The following CCDC175 variants were observed in gnomAD, a reference collection of about 807,000 sequenced individuals.
The protein encoded by CCDC175 is coiled-coil domain-containing protein 175.
CCDC175 carries 100 observed loss-of-function variants against 114.6 expected under a neutral mutation model. The ratio of observed to expected loss-of-function variants is 0.87; its 90% CI spans 0.74 to 1.03. The LOEUF (loss-of-function observed/expected upper bound fraction) is 1.03, where lower values mean the gene tolerates loss of function less well. CCDC175 is among the 50% of genes least tolerant of loss of function. CCDC175 has a pLI of 0.00. For missense variants in CCDC175, 880 were observed against 917.8 expected, an observed-to-expected ratio of 0.96 and a Z score of 0.53; for synonymous variants, 306 against 308.7, an observed-to-expected ratio of 0.99 and a Z score of 0.09.
intron 13 of CCDC175, 64 bp downstream of exon 13, chr14:59,537,959 T>G: frequency 8.9e-7 from 1 of 1,129,348 alleles, no homozygotes; most frequent in African/African-American, 1.6e-5. Flanking sequence ...TAGCATGAAA[T>G]ATTATTCCCC....
At chr14:59,571,833 T>C (rs1896865601) in intron 3 of CCDC175, among the ~76,000 whole-genome samples, 1 of 152,096 alleles carries the variant, frequency 6.6e-6, no homozygotes, top group African/African-American at 2.4e-5. Flanking sequence ...CAAAAAAAAT[T>C]GAAAGCAGGC....
chr14:59,537,271 T>C (rs1160531764), intron 13 of CCDC175, among the ~76,000 whole-genome samples: 2 of 152,100 alleles, frequency 1.3e-5, no homozygotes, highest in African/African-American at 4.8e-5. Flanking sequence ...CTGCAGAGGG[T>C]TTCTGCAGGA....
At chr14:59,559,236 C>T (rs946683999) in intron 7 of CCDC175, among the ~76,000 whole-genome samples, 3 of 152,128 alleles carry the variant, frequency 2.0e-5, no homozygotes, top group African/African-American at 7.2e-5. Context: ...GTGCTGAAAA[C>T]CAGCTGAATG....
At chr14:59,514,361 C>T (rs568600740) in intron 17 of CCDC175, among the ~76,000 whole-genome samples, 2 of 152,220 alleles carry the variant, frequency 1.3e-5, no homozygotes, top group East Asian at 3.9e-4. Flanking sequence ...GACGATCAAA[C>T]TACTCAGAGC....
intron 18 of CCDC175, among the ~76,000 whole-genome samples, chr14:59,511,243 A>G (rs1765468321): frequency 6.6e-6 from 1 of 152,186 alleles, no homozygotes; most frequent in South Asian, 2.1e-4. Context: ...CATGTGAAAA[A>G]GACATTTTAA....
At chr14:59,540,008 T>TG (rs1894671775) in intron 11 of CCDC175, among the ~76,000 whole-genome samples, 1 of 151,944 alleles carries the variant, frequency 6.6e-6, no homozygotes, top group Non-Finnish European at 1.5e-5. Flanking sequence ...GAGGCAGAGG[T>TG]TGCAGTGTGC....
In CCDC175 at chr14:59,566,609, A is replaced by C. The variant is rs1896561653; in HGVS notation, c.492-1334T>G. ...GAGCCTCGGGGAAACAAAGCAAAAT[A>C]AGTGAAATCAAAAAACCTCACTAGG... On this transcript the variant is annotated intron_variant, in intron 4 of 19. Coordinates refer to ENST00000537690, the MANE Select transcript of CCDC175 (RefSeq NM_001164399.2). 7.2e-5 allele frequency among the ~76,000 whole-genome samples: 11 copies of C among 152,326 alleles called. 1 individual carries two copies. The South Asian group carries it at 2.3e-3, about 32-fold the overall frequency.
intron 5 of CCDC175, among the ~76,000 whole-genome samples, chr14:59,564,081 T>C (rs1896381410): frequency 6.6e-6 from 1 of 152,180 alleles, no homozygotes; most frequent in Non-Finnish European, 1.5e-5. Context: ...AATTATTGAA[T>C]ATTGAAATAG....
chr14:59,560,789 A>G (rs1896186560), intron 7 of CCDC175, among the ~76,000 whole-genome samples: 2 of 152,166 alleles, frequency 1.3e-5, no homozygotes, highest in Non-Finnish European at 2.9e-5. Flanking sequence ...GTTGTAGCCT[A>G]TGATATGTCC....
At chr14:59,520,614 GTGAA>G (rs139236224) in intron 17 of CCDC175, among the ~76,000 whole-genome samples, 5,245 of 152,210 alleles carry the variant, frequency 0.034, 151 homozygotes, top group Middle Eastern at 0.096. Context: ...CTTTCGACTG[GTGAA>G]TGAATAAATA....
chr14:59,527,639 GT>G (rs940323163), intron 14 of CCDC175, among the ~76,000 whole-genome samples: 1 of 152,012 alleles, frequency 6.6e-6, no homozygotes, highest in Non-Finnish European at 1.5e-5. Context: ...TATAATTTTT[GT>G]TTTTTCTTGG....
intron 17 of CCDC175, among the ~76,000 whole-genome samples, chr14:59,519,298 G>T (rs550663195): frequency 6.6e-6 from 1 of 151,834 alleles, no homozygotes; most frequent in Non-Finnish European, 1.5e-5. Flanking sequence ...CACATGTACC[G>T]TAAAACTTAA....
chr14:59,510,612 T>A (rs2139949929), intron 19 of CCDC175, 34 bp downstream of exon 19: 1 of 1,534,332 alleles, frequency 6.5e-7, no homozygotes, highest in East Asian at 2.4e-5. Flanking sequence ...TAGCAGGAAG[T>A]CCCATGTTAC....
intron 10 of CCDC175, among the ~76,000 whole-genome samples, chr14:59,541,872 C>T (rs1252510620): frequency 6.6e-6 from 1 of 152,182 alleles, no homozygotes; most frequent in Non-Finnish European, 1.5e-5. Flanking sequence ...CTGATTCAGT[C>T]CAAATCGATC....
Position 59,531,984 on chromosome 14 carries a change from G to GT in CCDC175, c.1624-75dup, listed in dbSNP as rs928220109. The GT allele has an allele frequency of 1.2e-5, 9 of 736,946 alleles. No homozygotes were observed. In the Admixed American group the frequency reaches 1.6e-4, roughly 13 times the overall value. 45.7% of individuals were successfully genotyped at this position (736,946 alleles called of 1,614,324 possible). On this transcript the variant is annotated intron_variant, in intron 13 of 19. Coordinates refer to ENST00000537690, the MANE Select transcript of CCDC175 (RefSeq NM_001164399.2). ...CACAACAATTTAAAGTAGAATATAA[G>GT]TTTTTTGAGGGAAAGAGTTTCATCT...
At chr14:59,510,561 A>T in intron 19 of CCDC175, 85 bp downstream of exon 19, 1 of 1,332,386 alleles carries the variant, frequency 7.5e-7, no homozygotes, top group Non-Finnish European at 1.0e-6. Flanking sequence ...CTTAGTTGAC[A>T]CGTTTTTTCT....
rs186928280 is a variant in CCDC175 at position 59,510,459 on chromosome 14, C to G, written c.2305+187G>C. ...CTAGAAAATTCTCTTAGGTGAAAGG[C>G]AGAATTGGATAACACTACAAGAGTA... On this transcript the variant is annotated intron_variant, in intron 19 of 19. Transcript: ENST00000537690. 6 of 551,710 alleles carry G rather than the reference C, an allele frequency of 1.1e-5. No individual in the cohort carries two copies. In the African/African-American group the frequency reaches 1.1e-4, roughly 10 times the overall value. The allele number at this position is 551,710 out of a possible 1,614,324, so 34.2% of individuals were successfully genotyped here. A position where few individuals can be genotyped will look rare whatever the true frequency, so the allele number is the denominator to read the frequency against.
rs192680635 is a variant in CCDC175 at position 59,533,668 on chromosome 14, C to T, written c.1624-1758G>A. 8.3e-4 allele frequency among the ~76,000 whole-genome samples: 125 copies of T among 151,438 alleles called. 1 individual carries two copies. Among genetic ancestry groups the T allele is most frequent in the South Asian group, 5.2e-3 (25 of 4,818 alleles). The stretch of plus-strand genomic sequence containing the variant: ...AGAAGCAGGAGTACATTTCTCCAGA[C>T]TGCAACATTTAAGCAGGTTGAGTTA... On this transcript the variant is annotated intron_variant, in intron 13 of 19. Transcript: ENST00000537690.
chr14:59,565,124 A>T lies in CCDC175; in HGVS notation c.643T>A (p.Cys215Ser), dbSNP rs1566635757. The change falls in exon 5 of 20, where the codon TGT becomes AGT. Residue 215 changes from cysteine to serine, a missense_variant. Transcript: ENST00000537690. ...ATTAGCTCCTCTGCCTCTTGAATAC[A>T]TTTTTTTTGCAATGCTATGTCTTCT... ...KREDIALQKKCIQEAEELMEK... is the reference protein window; with the variant it reads ...KREDIALQKKSIQEAEELMEK... The T allele has an allele frequency of 4.6e-6, 7 of 1,536,738 alleles. No homozygotes were observed. Among genetic ancestry groups the T allele is most frequent in the Non-Finnish European group, 6.1e-6 (7 of 1,146,378 alleles).
Sources: gnomAD v4.1 joint callset for allele counts (sites outside exome capture counted in the v4.1 genomes callset) on GRCh38, gnomAD v4.1.1 for gene constraint, MANE v1.5 for transcripts, NCBI Gene and HGNC (gene_info 2026-07-23, HGNC 2026-07-21) for gene names.